CROCC2: variants seen among roughly 807,000 people sequenced by gnomAD.
The protein encoded by CROCC2 is ciliary rootlet coiled-coil protein 2.
Under a neutral mutation model 177.6 loss-of-function variants are expected in CROCC2, and 163 were observed. The observed-to-expected ratio is 0.92, with a 90% CI of 0.81 to 1.05. The LOEUF (loss-of-function observed/expected upper bound fraction) is 1.05. Among genes scored for constraint, CROCC2 ranks in the 50% least tolerant of loss-of-function variants. The pLI, the probability that CROCC2 is intolerant of heterozygous loss-of-function variation, is 0.00. For missense variants in CROCC2, 1,929 were observed against 1,797.8 expected, an observed-to-expected ratio of 1.07 and a Z score of -1.32; for synonymous variants, 904 against 787.3, an observed-to-expected ratio of 1.15 and a Z score of -2.48.
chr2:240,936,447 G>A (rs2059471181), intron 14 of CROCC2, among the ~76,000 whole-genome samples: 2 of 152,170 alleles, frequency 1.3e-5, no homozygotes, highest in African/African-American at 2.4e-5. Flanking sequence ...CAGTGTGGAC[G>A]CTTTTGTGTC....
At chr2:240,947,232 G>A (rs2059529168) in intron 15 of CROCC2, among the ~76,000 whole-genome samples, 1 of 152,256 alleles carries the variant, frequency 6.6e-6, no homozygotes, top group African/African-American at 2.4e-5. Flanking sequence ...GCACAGCAAG[G>A]AAAACCTGAG....
At chr2:240,959,208 C>T in intron 19 of CROCC2, 93 bp from the exon 20 acceptor site, 1 of 1,400,832 alleles carries the variant, frequency 7.1e-7, no homozygotes, top group Non-Finnish European at 9.4e-7. Flanking sequence ...CAGGCCACTG[C>T]AACACCTCTC....
Position 240,933,720 on chromosome 2 carries a change from A to G in CROCC2, c.1514A>G (p.Asp505Gly), listed in dbSNP as rs1359182550. The G allele has an allele frequency of 6.5e-7, 1 of 1,550,312 alleles. No homozygotes were observed. The highest frequency in any genetic ancestry group is 8.7e-7 in the Non-Finnish European group (1 of 1,146,838). Residue 505 changes from aspartate to glycine, a missense_variant, in exon 11 of 32, where the codon GAT (aspartate) becomes GGT (glycine). By Grantham distance (94) the Asp-to-Gly change is moderately conservative. This residue lies in a region of CROCC2 where 1,397 missense variants were observed against 1,239.9 expected (regional missense o/e 1.13). Transcript: ENST00000690015. The part of the protein sequence containing the change: ...MVVEELKGKA[D>G]AADAEKQGLE... ...GTGGAGGAGCTGAAAGGGAAGGCAG[A>G]TGCTGCAGATGCGGAGAAGCAGGGG...
chr2:240,962,923 G>A (rs568297877), intron 20 of CROCC2, among the ~76,000 whole-genome samples: 5 of 152,336 alleles, frequency 3.3e-5, no homozygotes, highest in African/African-American at 4.8e-5. Context: ...CCTGGTGTCC[G>A]GAGCGGGAAA....
chr2:240,915,875 T>C (rs2059316821), intron 1 of CROCC2, among the ~76,000 whole-genome samples: 1 of 152,124 alleles, frequency 6.6e-6, no homozygotes, highest in Non-Finnish European at 1.5e-5. Context: ...GGCTCAGCTG[T>C]GAGTCTGGGG....
At chr2:240,922,864 G>A (rs1365201226) in intron 4 of CROCC2, among the ~76,000 whole-genome samples, 4 of 152,156 alleles carry the variant, frequency 2.6e-5, no homozygotes, top group Admixed American at 2.6e-4. Flanking sequence ...TTGAGTGGCT[G>A]GGCAGTGTGG....
intron 28 of CROCC2, chr2:240,983,735 C>T: frequency 1.3e-6 from 1 of 751,984 alleles, no homozygotes; most frequent in Non-Finnish European, 1.9e-6. Flanking sequence ...CGCAGGTGGC[C>T]ACAGCCCTGC....
At position 240,930,286 on chromosome 2, in the gene CROCC2, C is replaced by T; in HGVS notation, c.749+17C>T. The T allele has an allele frequency of 8.0e-6, 4 of 498,864 alleles. No individual in the cohort carries two copies. The highest frequency in any genetic ancestry group is 1.5e-5 in the Non-Finnish European group (4 of 272,190). The allele number at this position is 498,864 out of a possible 1,614,324, so 30.9% of individuals were successfully genotyped here. A position where few individuals can be genotyped will look rare whatever the true frequency, so the allele number is the denominator to read the frequency against. On this transcript the variant is annotated intron_variant, in intron 6 of 31. Transcript: ENST00000690015. ...CACTGAGAGGTGAGTGCCAGCCGCCCCACCTGGGGCCAGGCACCAGGCTGC... is the reference window on the plus strand; with the variant it reads ...CACTGAGAGGTGAGTGCCAGCCGCCTCACCTGGGGCCAGGCACCAGGCTGC...
At chr2:240,951,259 T>TCATCCATCCGTCTGTCCATCCATTCACC (rs1174400162) in intron 18 of CROCC2, among the ~76,000 whole-genome samples, 5 of 138,536 alleles carry the variant, frequency 3.6e-5, no homozygotes, top group African/African-American at 1.4e-4. Flanking sequence ...ATCCATTCAT[T>TCATCCATCCGTCTGTCCATCCATTCACC]CATCCATCCG....
At chr2:240,932,518 G>C (rs1559595024) in intron 8 of CROCC2, 104 bp downstream of exon 8, 5 of 702,220 alleles carry the variant, frequency 7.1e-6, no homozygotes, top group Middle Eastern at 2.3e-4. Context: ...ACGGCCTGCA[G>C]GGCAAGGTGG....
intron 5 of CROCC2, 32 bp from the exon 6 acceptor site, chr2:240,930,134 C>T: frequency 3.7e-6 from 2 of 537,688 alleles, no homozygotes; most frequent in East Asian, 6.0e-5. Context: ...GGGGCCCCAG[C>T]CTGAAGTAGA....
In CROCC2 at chr2:240,918,855, C is replaced by G. The variant is rs1400931937; in HGVS notation, c.208C>G (p.Leu70Val). 1.5e-6 allele frequency: 1 copy of G among 665,370 alleles called. No individual in the cohort carries two copies. 41.2% of individuals were successfully genotyped at this position (665,370 alleles called of 1,614,324 possible). The change falls in exon 2 of 32, where the codon CTG (leucine) becomes GTG (valine). Residue 70 changes from leucine to valine, a missense_variant. Leu to Val is a conservative substitution (Grantham distance 32, BLOSUM62 1). Transcript: ENST00000690015. The surrounding 1 kb of genome is among the most constrained non-coding windows in gnomAD (Gnocchi z 6.3). Reference protein sequence around the residue: ...TRIREIVAGSLSEEPPQAGVQ... With the variant: ...TRIREIVAGSVSEEPPQAGVQ... ...CATCCGTGAGATCGTGGCCGGCAGC[C>G]TGAGTGAGGAGCCACCCCAAGGTGA...
At chr2:240,930,603 G>A (rs920692205) in intron 6 of CROCC2, among the ~76,000 whole-genome samples, 5 of 152,140 alleles carry the variant, frequency 3.3e-5, no homozygotes, top group Non-Finnish European at 7.4e-5. Flanking sequence ...CCCTTGCTGG[G>A]TGCCACACTG....
chr2:240,962,634 CG>C (rs1423236915), intron 20 of CROCC2, among the ~76,000 whole-genome samples: 1 of 152,222 alleles, frequency 6.6e-6, no homozygotes, highest in Admixed American at 6.5e-5. Flanking sequence ...GTCAAGCCAG[CG>C]ACTTGACATC....
intron 27 of CROCC2, among the ~76,000 whole-genome samples, chr2:240,981,005 G>T (rs1442318073): frequency 5.9e-5 from 6 of 101,282 alleles, no homozygotes; most frequent in Admixed American, 1.0e-4. Flanking sequence ...ACTCATCCCT[G>T]CTCAGTCTCT....
At chr2:240,920,887 G>T (rs2106454321) in intron 3 of CROCC2, among the ~76,000 whole-genome samples, 1 of 152,328 alleles carries the variant, frequency 6.6e-6, no homozygotes, top group African/African-American at 2.4e-5. Flanking sequence ...GCAGGACTTG[G>T]CAAGGAGCCA....
chr2:240,937,998 C>T (rs1233929843), intron 14 of CROCC2, among the ~76,000 whole-genome samples: 1 of 152,238 alleles, frequency 6.6e-6, no homozygotes, highest in African/African-American at 2.4e-5. Flanking sequence ...TGAGGTCTCC[C>T]AGTCATGCTT....
chr2:240,972,503 A>G lies in CROCC2; in HGVS notation c.4401+4241A>G, dbSNP rs2059728478. Among the ~76,000 whole-genome samples, 1 of 151,890 alleles carries G rather than the reference A, an allele frequency of 6.6e-6. No individual in the cohort carries two copies. Among genetic ancestry groups the G allele is most frequent in the African/African-American group, 2.4e-5 (1 of 41,336 alleles). ...CTGGTAGTACAGAGTTGCCTCCCCA[A>G]CACCCCTGCAGCTCCCTCCAGCCCT... is the stretch of plus-strand genomic sequence containing the variant. On this transcript the variant is annotated intron_variant, in intron 27 of 31. Transcript: ENST00000690015. The surrounding 1 kb of genome is among the most constrained non-coding windows in gnomAD (Gnocchi z 7.1).
intron 18 of CROCC2, among the ~76,000 whole-genome samples, chr2:240,951,551 T>A (rs962856412): frequency 6.6e-6 from 1 of 152,162 alleles, no homozygotes; most frequent in Non-Finnish European, 1.5e-5. Context: ...TGGCCATGCA[T>A]CCACATTCGT....
Sources: allele counts gnomAD v4.1 joint callset (sites outside exome capture counted in the v4.1 genomes callset), GRCh38; gene constraint gnomAD v4.1.1; regional missense constraint gnomAD v4.1.1; non-coding constraint Gnocchi (gnomAD v3.1); transcripts MANE v1.5; gene names NCBI Gene and HGNC (gene_info 2026-07-23, HGNC 2026-07-21).